The following MTA3 variants were observed in gnomAD, a reference collection of about 807,000 sequenced individuals.
MTA3 encodes the protein metastasis-associated protein MTA3.
A neutral mutation model predicts 83.5 loss-of-function variants in MTA3; 34 were observed. The ratio of observed to expected loss-of-function variants is 0.41; its 90% CI spans 0.31 to 0.54. The LOEUF (loss-of-function observed/expected upper bound fraction) is 0.54. Among genes scored for constraint, MTA3 ranks in the 20% least tolerant of loss-of-function variants. The pLI is 0.33. For missense variants in MTA3, 761 were observed against 726.4 expected, an observed-to-expected ratio of 1.05 and a Z score of -0.55; for synonymous variants, 303 against 252.7, an observed-to-expected ratio of 1.20 and a Z score of -1.89.
chr2:42,657,241 C>T (rs1689254281), intron 7 of MTA3, among the ~76,000 whole-genome samples: 2 of 152,130 alleles, frequency 1.3e-5, no homozygotes, highest in Non-Finnish European at 2.9e-5. Context: ...TTTCACAATG[C>T]AGAGGAAAAA....
intron 8 of MTA3, among the ~76,000 whole-genome samples, chr2:42,663,198 A>C (rs1689893895): frequency 6.6e-6 from 1 of 152,122 alleles, no homozygotes; most frequent in South Asian, 2.1e-4. Context: ...TCCCTGCTTG[A>C]GTGCAAGTGG....
intron 4 of MTA3, among the ~76,000 whole-genome samples, chr2:42,623,966 G>A (rs987310809): frequency 6.6e-6 from 1 of 152,048 alleles, no homozygotes; most frequent in African/African-American, 2.4e-5. Flanking sequence ...CACCCACCTC[G>A]GCCTCCCAAA....
At chr2:42,518,185 AAAAAGAAAAT>A (rs946463208) in intron 2 of MTA3, among the ~76,000 whole-genome samples, 2 of 152,200 alleles carry the variant, frequency 1.3e-5, no homozygotes, top group South Asian at 2.1e-4. Context: ...GGTCTCAAAA[AAAAAGAAAAT>A]AAAAGAAAAT....
chr2:42,534,522 G>C (rs1045483202), intron 2 of MTA3, among the ~76,000 whole-genome samples: 13 of 151,872 alleles, frequency 8.6e-5, no homozygotes, highest in African/African-American at 3.1e-4. Flanking sequence ...GCTTGAACCC[G>C]GGAGGCAGAG....
At chr2:42,651,968 C>G (rs1287868596) in intron 6 of MTA3, among the ~76,000 whole-genome samples, 7 of 151,682 alleles carry the variant, frequency 4.6e-5, no homozygotes, top group African/African-American at 1.7e-4. Flanking sequence ...TGGTGGTGGG[C>G]ACCTGTAATC....
intron 8 of MTA3, among the ~76,000 whole-genome samples, chr2:42,678,230 A>G (rs1459442841): frequency 6.6e-6 from 1 of 152,182 alleles, no homozygotes; most frequent in Non-Finnish European, 1.5e-5. Context: ...TGTGACACAT[A>G]CAACAGAAGA....
intron 4 of MTA3, among the ~76,000 whole-genome samples, chr2:42,633,751 G>A (rs929064398): frequency 3.3e-5 from 5 of 151,748 alleles, no homozygotes; most frequent in Non-Finnish European, 7.4e-5. Context: ...AAAGTTAGCC[G>A]GCCGTGGTGG....
intron 2 of MTA3, among the ~76,000 whole-genome samples, chr2:42,533,599 C>T (rs1231877292): frequency 9.6e-5 from 14 of 145,546 alleles, no homozygotes; most frequent in African/African-American, 2.3e-4. Context: ...TTTGGGAGGC[C>T]GAGGTGGGCG....
At chr2:42,744,037 C>T (rs1669229583) in intron 16 of MTA3, among the ~76,000 whole-genome samples, 1 of 152,150 alleles carries the variant, frequency 6.6e-6, no homozygotes, top group Non-Finnish European at 1.5e-5. Flanking sequence ...GTGTCATAAC[C>T]TGGTTAAATA....
intron 9 of MTA3, among the ~76,000 whole-genome samples, chr2:42,690,083 T>C (rs1692742348): frequency 6.6e-6 from 1 of 152,142 alleles, no homozygotes; most frequent in Non-Finnish European, 1.5e-5. Flanking sequence ...GCCTGGGATT[T>C]TGAGGCTGCA....
At chr2:42,691,858 AGG>A (rs1692930948) in intron 9 of MTA3, among the ~76,000 whole-genome samples, 2 of 152,174 alleles carry the variant, frequency 1.3e-5, no homozygotes, top group African/African-American at 4.8e-5. Context: ...CTGGCCTGTA[AGG>A]TTTCCATTGA....
intron 4 of MTA3, among the ~76,000 whole-genome samples, chr2:42,613,033 C>G (rs4563282): frequency 2.0e-5 from 3 of 152,104 alleles, no homozygotes; most frequent in Admixed American, 6.6e-5. Context: ...ACGTTGGTTT[C>G]TTTTAACAGA....
intron 4 of MTA3, among the ~76,000 whole-genome samples, chr2:42,631,820 G>T (rs1043655083): frequency 1.3e-5 from 2 of 151,900 alleles, no homozygotes; most frequent in African/African-American, 4.8e-5. Context: ...CTCCCAAGTA[G>T]CTGGGCTTAC....
In MTA3 at chr2:42,579,157, T is replaced by C; in HGVS notation, c.147T>C (p.Arg49=). Residue 49 remains arginine, a synonymous_variant, in exon 3 of 17, where the codon CGT becomes CGC. Coordinates refer to ENST00000405094, the MANE Select transcript of MTA3 (RefSeq NM_001330442.2). ...AAGTAGTATGCTTTTATAGACGACG[T>C]GATATTTCCAACACACTTATAATGC... ...EAKVVCFYRR[R]DISNTLIMLA... The C allele has an allele frequency of 6.2e-7, 1 of 1,608,558 alleles. No individual in the cohort carries two copies. The highest frequency in any genetic ancestry group is 8.5e-7 in the Non-Finnish European group (1 of 1,177,646).
At chr2:42,712,686 T>C (rs188497565) in intron 14 of MTA3, 29 of 152,288 alleles carry the variant, frequency 1.9e-4, no homozygotes, top group Admixed American at 1.0e-3. Context: ...ACGTACTGTT[T>C]TCTTAAGATT....
At chr2:42,623,843 A>G (rs1279508125) in intron 4 of MTA3, among the ~76,000 whole-genome samples, 1 of 151,978 alleles carries the variant, frequency 6.6e-6, no homozygotes, top group African/African-American at 2.4e-5. Context: ...GGTGTGCGCC[A>G]CTACACCCGG....
chr2:42,756,080 A>G lies in MTA3; in HGVS notation c.*2681A>G. The G allele has an allele frequency of 2.1e-6, 2 of 955,846 alleles. No individual in the cohort carries two copies. 59.2% of individuals were successfully genotyped at this position (955,846 alleles called of 1,614,324 possible). A position where few individuals can be genotyped will look rare whatever the true frequency, so the allele number is the denominator to read the frequency against. The stretch of plus-strand genomic sequence containing the variant: ...AGAGATTTGTTTAACACAAAACAAG[A>G]AAAGCTGAGAGGCAAAACAGGGGAG... On this transcript the variant is annotated 3_prime_UTR_variant, in exon 17 of 17. Coordinates refer to ENST00000405094, the MANE Select transcript of MTA3 (RefSeq NM_001330442.2).
intron 2 of MTA3, among the ~76,000 whole-genome samples, chr2:42,509,899 TG>T (rs1267713481): frequency 6.6e-6 from 1 of 152,216 alleles, no homozygotes; most frequent in Non-Finnish European, 1.5e-5. Flanking sequence ...AGGCTGGAAT[TG>T]ACCAACTTAG....
chr2:42,636,586 G>A (rs923993884), intron 4 of MTA3, among the ~76,000 whole-genome samples: 4 of 151,238 alleles, frequency 2.6e-5, no homozygotes, highest in South Asian at 4.2e-4. Flanking sequence ...TACAGGCAGG[G>A]GGTAAATGAT....
Sources: allele counts gnomAD v4.1 joint callset (sites outside exome capture counted in the v4.1 genomes callset), GRCh38; gene constraint gnomAD v4.1.1; transcripts MANE v1.5; gene names NCBI Gene and HGNC (gene_info 2026-07-23, HGNC 2026-07-21).